TEAD4: variants seen among roughly 807,000 people sequenced by gnomAD.
TEAD4 encodes the protein transcriptional enhancer factor TEF-3.
TEAD4 carries 36 observed loss-of-function variants against 52.4 expected under a neutral mutation model. That is an observed-to-expected ratio of 0.69 (90% confidence interval 0.53 to 0.91). TEAD4 has a LOEUF of 0.91. Ranked by LOEUF, TEAD4 falls within the 40% of genes least tolerant of loss-of-function variation. TEAD4 has a pLI of 0.00. For synonymous variants in TEAD4, 220 were observed against 231.0 expected (o/e 0.95, Z 0.43); for missense variants, 508 against 583.9 (o/e 0.87, Z 1.34).
At chr12:3,026,365 T>C (rs890844993) in intron 10 of TEAD4, among the ~76,000 whole-genome samples, 3 of 152,240 alleles carry the variant, frequency 2.0e-5, no homozygotes, top group African/African-American at 7.2e-5. Context: ...GTGGCATAAA[T>C]AGTTTTTCTT....
intron 3 of TEAD4, among the ~76,000 whole-genome samples, chr12:3,005,560 A>G (rs2098255228): frequency 6.6e-6 from 1 of 151,766 alleles, no homozygotes; most frequent in South Asian, 2.1e-4. Flanking sequence ...GCAATGGTGC[A>G]ATCTCGGCTC....
intron 8 of TEAD4, among the ~76,000 whole-genome samples, chr12:3,019,620 A>T (rs1211563721): frequency 6.6e-6 from 1 of 152,158 alleles, no homozygotes; most frequent in African/African-American, 2.4e-5. Flanking sequence ...CGGTGCTGAC[A>T]GGAGCCCCCA....
intron 3 of TEAD4, among the ~76,000 whole-genome samples, chr12:2,999,648 G>A (rs890865662): frequency 1.3e-5 from 2 of 152,180 alleles, no homozygotes; most frequent in African/African-American, 2.4e-5. Flanking sequence ...GCTCACGGCC[G>A]CTTTCATTTC....
intron 3 of TEAD4, among the ~76,000 whole-genome samples, chr12:3,004,736 G>A (rs541077826): frequency 1.3e-5 from 2 of 152,238 alleles, no homozygotes; most frequent in South Asian, 2.1e-4. Context: ...GATGAGGTAT[G>A]CAGCAAGTGT....
chr12:2,960,177 C>T (rs1411089036), intron 2 of TEAD4, 137 bp downstream of exon 2: 14 of 469,496 alleles, frequency 3.0e-5, no homozygotes, highest in Non-Finnish European at 3.6e-5. Flanking sequence ...CTGCTGGAGG[C>T]GAAGCGGCTC....
At chr12:2,989,736 G>C (rs2098241581) in intron 2 of TEAD4, among the ~76,000 whole-genome samples, 1 of 152,226 alleles carries the variant, frequency 6.6e-6, no homozygotes, top group African/African-American at 2.4e-5. Context: ...CACCACACCA[G>C]AAAGAAGTTC....
chr12:3,009,998 C>T (rs996729106), intron 3 of TEAD4, among the ~76,000 whole-genome samples: 8 of 152,332 alleles, frequency 5.3e-5, no homozygotes, highest in African/African-American at 9.6e-5. Flanking sequence ...CACGGACAGC[C>T]GCAAGCCCTC....
intron 2 of TEAD4, among the ~76,000 whole-genome samples, chr12:2,965,333 G>GT (rs2098219342): frequency 6.6e-6 from 1 of 151,480 alleles, no homozygotes; most frequent in Non-Finnish European, 1.5e-5. Flanking sequence ...AATTTGTAAA[G>GT]TTTTTTTGTG....
chr12:2,987,027 C>T (rs139180894), intron 2 of TEAD4, among the ~76,000 whole-genome samples: 1 of 152,274 alleles, frequency 6.6e-6, no homozygotes, highest in African/African-American at 2.4e-5. Flanking sequence ...GGTTCATTTC[C>T]TGAGAGAGAG....
Position 3,040,166 on chromosome 12 carries a change from C to A in TEAD4, c.1098C>A (p.Leu366=). 1 of 1,614,228 alleles carries A rather than the reference C, an allele frequency of 6.2e-7. No homozygotes were observed. The highest frequency in any genetic ancestry group is 8.5e-7 in the Non-Finnish European group (1 of 1,180,050). Residue 366 remains leucine (L), a synonymous_variant, in exon 12 of 13, where the codon CTC becomes CTA. Coordinates refer to ENST00000359864, the MANE Select transcript of TEAD4 (RefSeq NM_003213.4). ...CTTACCGCATCCACCGGTCCCCGCT[C>A]TGTGAGTACATGATCAACTTCATCC...
rs570222943 is a variant in TEAD4, at chr12:2,997,807, G to C, written c.226+2815G>C. Reference sequence around the variant, plus strand: ...AGGGCTTTGAGGACTTGCTTTTTCGGGGGGGGGGTGTGTGTGTGTTAAAAA... The same window carrying C: ...AGGGCTTTGAGGACTTGCTTTTTCGCGGGGGGGGTGTGTGTGTGTTAAAAA... On this transcript the variant is annotated intron_variant, in intron 3 of 12. Transcript: ENST00000359864. Among the ~76,000 whole-genome samples the C allele has an allele frequency of 4.7e-4, 56 of 119,014 alleles. 1 individual carries two copies. The East Asian group carries it at 0.016, about 34-fold the overall frequency. The allele number at this position is 119,014 out of a possible 152,430, so 78.1% of individuals were successfully genotyped here. A position where few individuals can be genotyped will look rare whatever the true frequency, so the allele number is the denominator to read the frequency against.
chr12:2,985,651 G>GTC (rs1465710925), intron 2 of TEAD4, among the ~76,000 whole-genome samples: 1 of 151,184 alleles, frequency 6.6e-6, no homozygotes, highest in African/African-American at 2.4e-5. Flanking sequence ...GATTATAGGT[G>GTC]CGCACCATCA....
At chr12:2,971,571 G>T (rs954707192) in intron 2 of TEAD4, among the ~76,000 whole-genome samples, 12 of 151,878 alleles carry the variant, frequency 7.9e-5, no homozygotes, top group African/African-American at 2.9e-4. Flanking sequence ...CGCCTCCCGG[G>T]TTCATGCCAT....
chr12:3,014,414 C>A (rs576155283), intron 5 of TEAD4, among the ~76,000 whole-genome samples: 1 of 152,312 alleles, frequency 6.6e-6, no homozygotes, highest in South Asian at 2.1e-4. Flanking sequence ...CCAAGGGGAG[C>A]CATAAACTCC....
intron 11 of TEAD4, among the ~76,000 whole-genome samples, chr12:3,038,767 A>G (rs1194441594): frequency 6.6e-6 from 1 of 152,078 alleles, no homozygotes; most frequent in African/African-American, 2.4e-5. Flanking sequence ...TTGTGATAAA[A>G]TCCTCTGTAT....
At chr12:3,031,233 A>G (rs1212076613) in intron 10 of TEAD4, among the ~76,000 whole-genome samples, 2 of 151,836 alleles carry the variant, frequency 1.3e-5, no homozygotes, top group Non-Finnish European at 2.9e-5. Context: ...TTGCTTGAGC[A>G]CTCACCGCCC....
At chr12:2,965,604 G>A (rs1048423296) in intron 2 of TEAD4, among the ~76,000 whole-genome samples, 1 of 152,222 alleles carries the variant, frequency 6.6e-6, no homozygotes, top group African/African-American at 2.4e-5. Flanking sequence ...CAGGCTGGAG[G>A]GCAGTGGGGT....
At chr12:2,993,869 A>G (rs2098245098) in intron 2 of TEAD4, among the ~76,000 whole-genome samples, 1 of 152,204 alleles carries the variant, frequency 6.6e-6, no homozygotes, top group South Asian at 2.1e-4. Flanking sequence ...AATGTCCTAA[A>G]GGTCCGTCTG....
intron 10 of TEAD4, among the ~76,000 whole-genome samples, chr12:3,026,420 C>T (rs2098272118): frequency 6.6e-6 from 1 of 152,216 alleles, no homozygotes; most frequent in South Asian, 2.1e-4. Context: ...AGTGCTGGCC[C>T]AGTGCTCCTG....
Sources: allele counts gnomAD v4.1 joint callset (sites outside exome capture counted in the v4.1 genomes callset), GRCh38; gene constraint gnomAD v4.1.1; transcripts MANE v1.5; gene names NCBI Gene and HGNC (gene_info 2026-07-23, HGNC 2026-07-21).